The following PHRF1 variants were observed in gnomAD, a reference collection of about 807,000 sequenced individuals.
PHRF1 encodes PHD and ring finger domains 1, also known as PHD and RING finger domain-containing protein 1.
In PHRF1, 53 loss-of-function variants were observed where a neutral mutation model predicts 128.9. The ratio of observed to expected loss-of-function variants is 0.41; its 90% CI spans 0.33 to 0.52. The LOEUF (loss-of-function observed/expected upper bound fraction) is 0.52, where lower values mean the gene tolerates loss of function less well. Among genes scored for constraint, PHRF1 ranks in the 20% least tolerant of loss-of-function variants. PHRF1 has a pLI of 0.21. For missense variants in PHRF1, 2,503 were observed against 2,284.5 expected (o/e 1.10, Z -1.95); for synonymous variants, 1,178 against 980.6 (o/e 1.20, Z -3.76).
In PHRF1 at chr11:609,009, C is replaced by A; in HGVS notation, c.3553C>A (p.Pro1185Thr). ...HRRPRSREKW[P>T]QTRSHSPERK... The stretch of plus-strand genomic sequence containing the variant: ...GCGGCCTCGGTCCCGTGAGAAGTGG[C>A]CGCAGACCCGGTCCCATTCCCCAGA... The change falls in exon 14 of 18, where the codon CCG becomes ACG. Residue 1185 changes from proline to threonine, a missense_variant. Coordinates refer to ENST00000264555, the MANE Select transcript of PHRF1 (RefSeq NM_001286581.2). 1.3e-6 allele frequency: 2 copies of A among 1,598,056 alleles called. No individual in the cohort carries two copies. Among genetic ancestry groups the A allele is most frequent in the Admixed American group, 1.8e-5 (1 of 56,998 alleles).
chr11:579,982 A>G (rs933401115), intron 1 of PHRF1, among the ~76,000 whole-genome samples: 3 of 152,192 alleles, frequency 2.0e-5, no homozygotes, highest in South Asian at 2.1e-4. Context: ...GCTGTGGTAC[A>G]TGTGCAGCCC....
intron 3 of PHRF1, 81 bp downstream of exon 3, chr11:582,162 G>C (rs1854245730): frequency 6.5e-7 from 1 of 1,539,680 alleles, no homozygotes; most frequent in Non-Finnish European, 8.7e-7. Context: ...CATCCTCCGT[G>C]AGAGTGCTGT....
intron 10 of PHRF1, among the ~76,000 whole-genome samples, chr11:602,989 C>G (rs1855729382): frequency 6.6e-6 from 1 of 152,066 alleles, no homozygotes; most frequent in African/African-American, 2.4e-5. Flanking sequence ...TCTTGAACTC[C>G]TGACCTCGTG....
intron 1 of PHRF1, among the ~76,000 whole-genome samples, chr11:577,056 G>T (rs1853902831): frequency 6.6e-6 from 1 of 152,228 alleles, no homozygotes; most frequent in Non-Finnish European, 1.5e-5. Flanking sequence ...CTGTGACTTC[G>T]TTGCCTTGTG....
rs1011547907 is a variant in PHRF1 at position 597,841 on chromosome 11, C to G, written c.894+271C>G. On this transcript the variant is annotated intron_variant, in intron 8 of 17. Transcript: ENST00000264555. The surrounding 1 kb of genome is among the most constrained non-coding windows in gnomAD (Gnocchi z 6.5). ...GGGGTGGGGGCTCTAGGAAACCCCC[C>G]TTGTTCCCCAGGCCCCATGCCAGCA... is the stretch of plus-strand genomic sequence containing the variant. Among the ~76,000 whole-genome samples the G allele has an allele frequency of 1.3e-5, 2 of 152,124 alleles. No individual in the cohort carries two copies. Among genetic ancestry groups the G allele is most frequent in the African/African-American group, 2.4e-5 (1 of 41,420 alleles).
At chr11:587,571 G>A (rs1854645422) in intron 4 of PHRF1, 107 bp downstream of exon 4, 1 of 1,160,652 alleles carries the variant, frequency 8.6e-7, no homozygotes, top group Non-Finnish European at 1.2e-6. Flanking sequence ...TGTCTGCTCT[G>A]CGGCTGACCC....
chr11:591,585 A>G, intron 5 of PHRF1, 118 bp downstream of exon 5: 1 of 867,518 alleles, frequency 1.2e-6, no homozygotes, highest in South Asian at 2.0e-5. Flanking sequence ...TAAATGCTTC[A>G]TAGAAATCAA....
intron 6 of PHRF1, among the ~76,000 whole-genome samples, chr11:593,443 G>A (rs1250566673): frequency 6.6e-6 from 1 of 152,260 alleles, no homozygotes; most frequent in African/African-American, 2.4e-5. Flanking sequence ...GGCTGGAGCC[G>A]CACCGAGGAT....
intron 3 of PHRF1, among the ~76,000 whole-genome samples, chr11:584,258 G>A (rs542203354): frequency 3.3e-5 from 5 of 152,326 alleles, no homozygotes; most frequent in South Asian, 4.1e-4. Flanking sequence ...CAGTTCTGGC[G>A]TTGCCAGGGC....
At chr11:586,342 G>C (rs1181419099) in intron 3 of PHRF1, among the ~76,000 whole-genome samples, 1 of 152,226 alleles carries the variant, frequency 6.6e-6, no homozygotes. Context: ...AAACTCTTCT[G>C]CTGCCTCCCT....
intron 11 of PHRF1, 81 bp downstream of exon 11, chr11:605,381 C>A: frequency 6.5e-7 from 1 of 1,545,170 alleles, no homozygotes; most frequent in South Asian, 1.2e-5. Context: ...GAGGTGCATG[C>A]GGAGGCGTTA....
In PHRF1 at chr11:609,180, G is replaced by C. The variant is rs753240344; in HGVS notation, c.3724G>C (p.Ala1242Pro). ...VATADKAPLQ[A>P]PPVLEVAAEC... Reference sequence around the variant, plus strand: ...TACGGCCGACAAGGCCCCCCTGCAGGCTCCCCCTGTCCTGGAGGTGGCAGC... The same window carrying C: ...TACGGCCGACAAGGCCCCCCTGCAGCCTCCCCCTGTCCTGGAGGTGGCAGC... Residue 1242 changes from alanine (A) to proline (P), a missense_variant, in exon 14 of 18, where the codon GCT becomes CCT. By Grantham distance (27) the Ala-to-Pro change is conservative (BLOSUM62 -1). Transcript: ENST00000264555. The C allele has an allele frequency of 3.1e-6, 5 of 1,606,892 alleles. No individual in the cohort carries two copies. In the Admixed American group the frequency reaches 6.7e-5, roughly 21 times the overall value.
At position 581,485 on chromosome 11, in the gene PHRF1, C is replaced by A. The variant is rs375877707; in HGVS notation, c.-21-7C>A. 7 of 1,611,440 alleles carry A rather than the reference C, an allele frequency of 4.3e-6. No homozygotes were observed. The highest frequency in any genetic ancestry group is 5.9e-6 in the Non-Finnish European group (7 of 1,178,832). On this transcript the variant is annotated splice_polypyrimidine_tract_variant and splice_region_variant and intron_variant, in intron 1 of 17. Transcript: ENST00000264555. ...TTTGGAAGTTGCTTGGCTCTTCTTT[C>A]TTTCAGAGCTGAGCTCAATGTGCAG...
At chr11:599,839 T>C (rs1855524661) in intron 9 of PHRF1, among the ~76,000 whole-genome samples, 1 of 152,062 alleles carries the variant, frequency 6.6e-6, no homozygotes, top group South Asian at 2.1e-4. Context: ...TCTCGGCGTC[T>C]GTGGGTCTGG....
rs565135964 is a variant in PHRF1 at position 582,147 on chromosome 11, T to G, written c.214+66T>G. 8 of 1,546,320 alleles carry G rather than the reference T, an allele frequency of 5.2e-6. No homozygotes were observed. In the African/African-American group the frequency reaches 8.2e-5, roughly 16 times the overall value. On this transcript the variant is annotated intron_variant, in intron 3 of 17. Transcript: ENST00000264555. ...TTGTCGTGATGGGGACAGCCTTTTATAACACATCCTCCGTGAGAGTGCTGT... is the reference window on the plus strand; with the variant it reads ...TTGTCGTGATGGGGACAGCCTTTTAGAACACATCCTCCGTGAGAGTGCTGT...
chr11:585,179 T>G (rs541054557), intron 3 of PHRF1, among the ~76,000 whole-genome samples: 1 of 152,318 alleles, frequency 6.6e-6, no homozygotes, highest in South Asian at 2.1e-4. Context: ...CCCACCCTGG[T>G]GTTTCCTGCT....
intron 10 of PHRF1, 103 bp downstream of exon 10, chr11:601,804 C>T (rs573375498): frequency 1.7e-5 from 24 of 1,433,050 alleles, no homozygotes; most frequent in South Asian, 8.7e-5. Flanking sequence ...CACCCTCGCG[C>T]GGTTATGGAG....
intron 4 of PHRF1, among the ~76,000 whole-genome samples, chr11:590,855 C>T (rs1473583147): frequency 1.3e-5 from 2 of 152,056 alleles, no homozygotes; most frequent in Non-Finnish European, 2.9e-5. Flanking sequence ...AGGTATGCGC[C>T]ACCACACCTA....
At chr11:600,550 G>A (rs899083140) in intron 9 of PHRF1, among the ~76,000 whole-genome samples, 6 of 145,298 alleles carry the variant, frequency 4.1e-5, no homozygotes, top group African/African-American at 8.0e-5. Flanking sequence ...AATCTTTGAC[G>A]CCGGGCACAG....
Sources: allele counts gnomAD v4.1 joint callset (sites outside exome capture counted in the v4.1 genomes callset), GRCh38; gene constraint gnomAD v4.1.1; non-coding constraint Gnocchi (gnomAD v3.1); transcripts MANE v1.5; gene names NCBI Gene and HGNC (gene_info 2026-07-23, HGNC 2026-07-21).